SUGCT: variants seen among roughly 807,000 people sequenced by gnomAD.
SUGCT encodes the protein succinyl-CoA:glutarate CoA-transferase.
A neutral mutation model predicts 55.0 loss-of-function variants in SUGCT; 41 were observed. The observed-to-expected ratio is 0.74, with a 90% CI of 0.58 to 0.97. The LOEUF (loss-of-function observed/expected upper bound fraction) is 0.97, where lower values mean the gene tolerates loss of function less well. Ranked by LOEUF, SUGCT falls within the 50% of genes least tolerant of loss-of-function variation. The pLI, the probability that SUGCT is intolerant of heterozygous loss-of-function variation, is 0.00. For synonymous variants in SUGCT, 187 were observed against 200.4 expected, an observed-to-expected ratio of 0.93 and a Z score of 0.56; for missense variants, 568 against 547.8, an observed-to-expected ratio of 1.04 and a Z score of -0.37.
At chr7:40,304,753 AATAATAATC>A (rs768978568) in intron 8 of SUGCT, among the ~76,000 whole-genome samples, 11,421 of 98,842 alleles carry the variant, frequency 0.12, 1,069 homozygotes, top group African/African-American at 0.3. Context: ...TAATAATAAT[AATAATAATC>A]ATCCAGGTTG....
chr7:40,505,199 G>A (rs1195803546), intron 12 of SUGCT, among the ~76,000 whole-genome samples: 2 of 151,958 alleles, frequency 1.3e-5, no homozygotes, highest in Non-Finnish European at 2.9e-5. Flanking sequence ...CATGGTGGTT[G>A]ATTATATTAT....
At chr7:40,880,325 C>T in the SUGCT span, among the ~76,000 whole-genome samples, 1 of 152,138 alleles carries the variant, frequency 6.6e-6, no homozygotes, top group Non-Finnish European at 1.5e-5. Flanking sequence ...GCTCTATACT[C>T]CCTGCTGCAA....
chr7:40,221,022 G>A (rs1023053254), intron 6 of SUGCT, among the ~76,000 whole-genome samples: 4 of 152,130 alleles, frequency 2.6e-5, no homozygotes, highest in Non-Finnish European at 5.9e-5. Context: ...CAAAATATAT[G>A]AATATGGTTA....
chr7:40,627,082 G>A (rs1003509211), intron 12 of SUGCT, among the ~76,000 whole-genome samples: 3 of 152,182 alleles, frequency 2.0e-5, no homozygotes, highest in Admixed American at 6.5e-5. Context: ...CCTACTTTTG[G>A]TGAAGATTGA....
chr7:40,431,342 A>G (rs1787888446), intron 9 of SUGCT, among the ~76,000 whole-genome samples: 1 of 152,118 alleles, frequency 6.6e-6, no homozygotes, highest in Non-Finnish European at 1.5e-5. Flanking sequence ...ACTACTATAG[A>G]TTAGTAATAT....
chr7:40,284,434 C>T (rs1174948787), intron 8 of SUGCT, among the ~76,000 whole-genome samples: 1 of 151,692 alleles, frequency 6.6e-6, no homozygotes, highest in Non-Finnish European at 1.5e-5. Flanking sequence ...CTAGTGAAAC[C>T]CCGTCTCTAC....
Position 40,188,487 on chromosome 7 carries a change from A to AT in SUGCT, c.227-4dup. ...CCAAAGATTAATAGCTCATGTTATT[A>AT]TTTTCAGGAGCTGGTGATGATACAC... On this transcript the variant is annotated splice_polypyrimidine_tract_variant and splice_region_variant and intron_variant, in intron 3 of 13. Transcript: ENST00000335693. 1 of 1,491,458 alleles carries AT rather than the reference A, an allele frequency of 6.7e-7. No individual in the cohort carries two copies. The highest frequency in any genetic ancestry group is 9.2e-7 in the Non-Finnish European group (1 of 1,087,096). The allele number at this position is 1,491,458 out of a possible 1,614,324, so 92.4% of individuals were successfully genotyped here.
chr7:40,490,220 A>G (rs1791606909), intron 11 of SUGCT, among the ~76,000 whole-genome samples: 1 of 152,214 alleles, frequency 6.6e-6, no homozygotes, highest in Admixed American at 6.5e-5. Context: ...TTCCTGCAGC[A>G]TAATGTTTTT....
intron 12 of SUGCT, among the ~76,000 whole-genome samples, chr7:40,668,790 C>A (rs960430426): frequency 2.6e-5 from 4 of 152,108 alleles, no homozygotes; most frequent in African/African-American, 9.7e-5. Flanking sequence ...GGCAGCCTCA[C>A]AAGACAAAAA....
chr7:40,292,423 T>C (rs1180719999), intron 8 of SUGCT, among the ~76,000 whole-genome samples: 1 of 152,176 alleles, frequency 6.6e-6, no homozygotes, highest in African/African-American at 2.4e-5. Flanking sequence ...ACTTACAGGA[T>C]AGACGACAAT....
chr7:41,009,205 CT>C, the SUGCT span, among the ~76,000 whole-genome samples: 14 of 100,334 alleles, frequency 1.4e-4, no homozygotes, highest in South Asian at 1.4e-3. Context: ...CAATGTCTCT[CT>C]CTAAAAAAAA....
At chr7:40,248,900 ACACACACACG>A (rs1292576160) in intron 7 of SUGCT, among the ~76,000 whole-genome samples, 29 of 126,034 alleles carry the variant, frequency 2.3e-4, no homozygotes, top group Admixed American at 1.7e-3. Flanking sequence ...ACACACACAC[ACACACACACG>A]CACACACACA....
chr7:40,747,080 G>A (rs188470996), intron 12 of SUGCT, among the ~76,000 whole-genome samples: 9 of 152,270 alleles, frequency 5.9e-5, no homozygotes, highest in Admixed American at 2.0e-4. Flanking sequence ...TGCTGAGAAC[G>A]AGCCACACCA....
chr7:40,640,906 G>A (rs1800241485), intron 12 of SUGCT, among the ~76,000 whole-genome samples: 1 of 152,214 alleles, frequency 6.6e-6, no homozygotes, highest in Non-Finnish European at 1.5e-5. Flanking sequence ...GGACCTGGCT[G>A]GAAGCCAAGG....
At chr7:40,254,666 A>G (rs1790675878) in intron 7 of SUGCT, among the ~76,000 whole-genome samples, 1 of 151,574 alleles carries the variant, frequency 6.6e-6, no homozygotes, top group Non-Finnish European at 1.5e-5. Flanking sequence ...AGGTGCTGGG[A>G]TTACAGGTGT....
In SUGCT at chr7:40,264,477, G is replaced by A. The variant is rs1440837956; in HGVS notation, c.577-10036G>A. Among the ~76,000 whole-genome samples, 4 of 152,284 alleles carry A rather than the reference G, an allele frequency of 2.6e-5. No individual in the cohort carries two copies. In the East Asian group the frequency reaches 7.7e-4, roughly 29 times the overall value. ...GTTTGGAACAGAAGGTTCAGATGCT[G>A]TATAGTTGCAGAGTCTGTGCCCATG... On this transcript the variant is annotated intron_variant, in intron 7 of 13. Coordinates refer to ENST00000335693, the MANE Select transcript of SUGCT (RefSeq NM_001193313.2).
chr7:40,514,646 G>A (rs549892015), intron 12 of SUGCT, among the ~76,000 whole-genome samples: 1 of 147,042 alleles, frequency 6.8e-6, no homozygotes, highest in Non-Finnish European at 1.5e-5. Flanking sequence ...GGAGGCGGAG[G>A]TTGCAGTGAG....
At chr7:40,908,613 A>T in the SUGCT span, among the ~76,000 whole-genome samples, 1 of 152,178 alleles carries the variant, frequency 6.6e-6, no homozygotes, top group Non-Finnish European at 1.5e-5. Context: ...AGGCTTTGAT[A>T]CAGCCCTTCT....
chr7:40,686,687 T>G (rs1255039463), intron 12 of SUGCT, among the ~76,000 whole-genome samples: 1 of 152,196 alleles, frequency 6.6e-6, no homozygotes, highest in Non-Finnish European at 1.5e-5. Flanking sequence ...AGGGAAACTC[T>G]ACACATCTCT....
Sources: allele counts gnomAD v4.1 joint callset (sites outside exome capture counted in the v4.1 genomes callset), GRCh38; gene constraint gnomAD v4.1.1; transcripts MANE v1.5; gene names NCBI Gene and HGNC (gene_info 2026-07-23, HGNC 2026-07-21).